Variants in DEFB129 observed in about 807,000 individuals in gnomAD.
DEFB129 encodes the protein defensin beta 129.
Under a neutral mutation model 2.5 loss-of-function variants are expected in DEFB129, and 2 were observed. The ratio of observed to expected loss-of-function variants is 0.80; its 90% CI spans 0.33 to 2.53. DEFB129 has a LOEUF of 2.53. Ranked by LOEUF, DEFB129 falls within the 30% of genes most tolerant of loss-of-function variation. DEFB129 has a pLI of 0.11. For missense variants in DEFB129, 177 were observed against 216.9 expected (o/e 0.82, Z 1.16); for synonymous variants, 76 against 74.4 (o/e 1.02, Z -0.11).
intron 1 of DEFB129, among the ~76,000 whole-genome samples, chr20:227,814 G>A (rs2011298884): frequency 6.6e-6 from 1 of 152,052 alleles, no homozygotes; most frequent in South Asian, 2.1e-4. Context: ...TTAAGCCCAG[G>A]ATGCATTAGC....
At chr20:228,119 G>T (rs2011302016) in intron 1 of DEFB129, among the ~76,000 whole-genome samples, 1 of 152,138 alleles carries the variant, frequency 6.6e-6, no homozygotes, top group Admixed American at 6.5e-5. Context: ...ATAGCAAAAG[G>T]CTAAGCCAGG....
chr20:228,637 C>A (rs756693217), intron 1 of DEFB129, among the ~76,000 whole-genome samples: 2 of 152,162 alleles, frequency 1.3e-5, no homozygotes, highest in African/African-American at 4.8e-5. Context: ...AGATAAGGTA[C>A]TAAGCCGAGC....
rs761828649 is a variant in DEFB129, at chr20:229,264, CT to C, written c.59-7del. 1.1e-5 allele frequency: 17 copies of C among 1,552,866 alleles called. No homozygotes were observed. The highest frequency in any genetic ancestry group is 1.3e-5 in the South Asian group (1 of 79,452). On this transcript the variant is annotated splice_polypyrimidine_tract_variant and intron_variant, in intron 1 of 1. Coordinates refer to ENST00000246105, the MANE Select transcript of DEFB129 (RefSeq NM_080831.4). ...ATTAACCTTGGCTCAATGGCTTTCT[CT>C]TTTTTTATACAGAATTTATTGGCTT...
At chr20:229,021 T>A (rs1331868733) in intron 1 of DEFB129, among the ~76,000 whole-genome samples, 4 of 152,186 alleles carry the variant, frequency 2.6e-5, no homozygotes, top group African/African-American at 9.7e-5. Context: ...AGCAAATAAT[T>A]ACTCTATCAT....
chr20:229,885 C>T lies in DEFB129; in HGVS notation c.*114C>T, dbSNP rs1040830972. 1 of 1,381,286 alleles carries T rather than the reference C, an allele frequency of 7.2e-7. No homozygotes were observed. The highest frequency in any genetic ancestry group is 9.6e-7 in the Non-Finnish European group (1 of 1,041,532). The allele number at this position is 1,381,286 out of a possible 1,614,324, so 85.6% of individuals were successfully genotyped here. A position where few individuals can be genotyped will look rare whatever the true frequency, so the allele number is the denominator to read the frequency against. On this transcript the variant is annotated 3_prime_UTR_variant, in exon 2 of 2. Transcript: ENST00000246105. ...TCAATAAACACTGTTTGAGCACCTACAGTTTATGTAATATTATCATTCTCA... is the reference window on the plus strand; with the variant it reads ...TCAATAAACACTGTTTGAGCACCTATAGTTTATGTAATATTATCATTCTCA...
At chr20:229,157 C>T in intron 1 of DEFB129, 121 bp from the exon 2 acceptor site, 1 of 1,322,040 alleles carries the variant, frequency 7.6e-7, no homozygotes, top group Admixed American at 2.6e-5. Flanking sequence ...CATTCCTAAA[C>T]ACTGGGCTTA....
intron 1 of DEFB129, among the ~76,000 whole-genome samples, chr20:228,635 T>C (rs2011306681): frequency 6.6e-6 from 1 of 152,176 alleles, no homozygotes; most frequent in Admixed American, 6.5e-5. Flanking sequence ...AAAGATAAGG[T>C]ACTAAGCCGA....
chr20:228,646 G>A (rs922091890), intron 1 of DEFB129, among the ~76,000 whole-genome samples: 2 of 152,290 alleles, frequency 1.3e-5, no homozygotes, highest in African/African-American at 4.8e-5. Context: ...ACTAAGCCGA[G>A]CAGGAAATTT....
intron 1 of DEFB129, 133 bp from the exon 2 acceptor site, chr20:229,145 A>G: frequency 8.2e-7 from 1 of 1,226,696 alleles, no homozygotes; most frequent in Non-Finnish European, 1.1e-6. Context: ...TGCCTTCATC[A>G]ACATTCCTAA....
intron 1 of DEFB129, among the ~76,000 whole-genome samples, chr20:228,054 G>C (rs1389442952): frequency 6.6e-6 from 1 of 152,116 alleles, no homozygotes; most frequent in African/African-American, 2.4e-5. Flanking sequence ...GCTTCTCTCA[G>C]ACTTTGTCTT....
chr20:227,387 A>G (rs201482663), intron 1 of DEFB129, 41 bp downstream of exon 1: 5 of 1,610,068 alleles, frequency 3.1e-6, no homozygotes, highest in Non-Finnish European at 4.3e-6. Flanking sequence ...AGATGAGAGG[A>G]ACCAAGGATT....
chr20:228,346 G>C (rs2011304584), intron 1 of DEFB129, among the ~76,000 whole-genome samples: 1 of 152,114 alleles, frequency 6.6e-6, no homozygotes, highest in African/African-American at 2.4e-5. Context: ...TGTCATCTTG[G>C]GTAAAGTCAC....
chr20:227,412 A>T (rs1428952924), intron 1 of DEFB129, 66 bp downstream of exon 1: 1 of 1,559,304 alleles, frequency 6.4e-7, no homozygotes, highest in Non-Finnish European at 8.8e-7. Flanking sequence ...TGCCCATGAC[A>T]ATGGAAACCC....
intron 1 of DEFB129, 135 bp from the exon 2 acceptor site, chr20:229,143 T>C (rs2011310716): frequency 8.3e-7 from 1 of 1,209,880 alleles, no homozygotes; most frequent in Non-Finnish European, 1.1e-6. Context: ...TTTGCCTTCA[T>C]CAACATTCCT....
chr20:228,774 T>C (rs550579534), intron 1 of DEFB129, among the ~76,000 whole-genome samples: 3 of 152,314 alleles, frequency 2.0e-5, no homozygotes, highest in East Asian at 3.9e-4. Context: ...TAGAACACCA[T>C]GCTTCAGGAA....
intron 1 of DEFB129, 83 bp downstream of exon 1, chr20:227,429 A>T (rs866321963): frequency 6.8e-7 from 1 of 1,481,102 alleles, no homozygotes; most frequent in Non-Finnish European, 9.4e-7. Flanking sequence ...ACCCAAAGAG[A>T]GGAGACTGAA....
In DEFB129 at chr20:227,345, A is replaced by G; in HGVS notation, c.57A>G (p.Thr19=). 6.2e-7 allele frequency: 1 copy of G among 1,614,080 alleles called. No individual in the cohort carries two copies. ...TCATGCTACAGTACCAGGTGAACAC[A>G]GGTAATGTGGATTCCCAAGTTTAAG... ...ASLMLQYQVN[T]EFIGLRRCLM... is the part of the protein sequence containing the mutation. Residue 19 remains threonine, a splice_region_variant and synonymous_variant, in exon 1 of 2, where the codon ACA becomes ACG. Transcript: ENST00000246105.
At position 227,362 on chromosome 20, in the gene DEFB129, A is replaced by G. The variant is rs754365906; in HGVS notation, c.58+16A>G. Reference sequence around the variant, plus strand: ...GTGAACACAGGTAATGTGGATTCCCAAGTTTAAGATGGGTAGATGAGAGGA... The same window carrying G: ...GTGAACACAGGTAATGTGGATTCCCGAGTTTAAGATGGGTAGATGAGAGGA... On this transcript the variant is annotated intron_variant, in intron 1 of 1. Transcript: ENST00000246105. 1.2e-6 allele frequency: 2 copies of G among 1,613,976 alleles called. No homozygotes were observed. The highest frequency in any genetic ancestry group is 4.5e-5 in the East Asian group (2 of 44,880).
intron 1 of DEFB129, 28 bp from the exon 2 acceptor site, chr20:229,250 C>A (rs372273881): frequency 1.9e-6 from 3 of 1,542,366 alleles, no homozygotes; most frequent in Non-Finnish European, 2.6e-6. Context: ...TTAACCTTGG[C>A]TCAATGGCTT....
Sources: allele counts gnomAD v4.1 joint callset (sites outside exome capture counted in the v4.1 genomes callset), GRCh38; gene constraint gnomAD v4.1.1; transcripts MANE v1.5; gene names NCBI Gene and HGNC (gene_info 2026-07-23, HGNC 2026-07-21).